The following TBCD variants were observed in gnomAD, a reference collection of about 807,000 sequenced individuals.
TBCD encodes tubulin-specific chaperone D.
TBCD carries 105 observed loss-of-function variants against 169.3 expected under a neutral mutation model. The observed-to-expected ratio is 0.62, with a 90% confidence interval of 0.53 to 0.73. The LOEUF (loss-of-function observed/expected upper bound fraction) is 0.73. TBCD is among the 30% of genes least tolerant of loss of function. The pLI is 0.00. For synonymous variants in TBCD, 700 were observed against 643.9 expected (o/e 1.09, Z -1.32); for missense variants, 1,444 against 1,600.1 (o/e 0.90, Z 1.66).
At chr17:82,887,177 G>GCGCA (rs1306036515) in intron 15 of TBCD, among the ~76,000 whole-genome samples, 2 of 69,948 alleles carry the variant, frequency 2.9e-5, no homozygotes, top group African/African-American at 9.4e-5. Flanking sequence ...GTGCGCGCGC[G>GCGCA]CGCACGTGCG....
At chr17:82,850,575 CTGCTGTTGGCTGTCCTGTTGTTGGCTGTG>C (rs1252140388) in intron 13 of TBCD, among the ~76,000 whole-genome samples, 12 of 148,214 alleles carry the variant, frequency 8.1e-5, no homozygotes, top group African/African-American at 3.0e-4. Flanking sequence ...GTTGGCTGTG[CTGCTGTTGGCTGTCCTGTTGTTGGCTGTG>C]CTGTTGTTGG....
Position 82,903,338 on chromosome 17 carries a change from T to A in TBCD, c.1731-67T>A, listed in dbSNP as rs765092906. On this transcript the variant is annotated intron_variant, in intron 18 of 38. Coordinates refer to ENST00000355528, the MANE Select transcript of TBCD (RefSeq NM_005993.5). This position sits in a 1 kb window ranked among gnomAD's most constrained non-coding sequence, Gnocchi z 4.8. ...CGTGTGTTGTCTCCCTCACTTTCTT[T>A]TTATGAATTGAATAAAGCTAGAATC... The A allele has an allele frequency of 2.5e-5, 36 of 1,464,044 alleles. No individual in the cohort carries two copies. The highest frequency in any genetic ancestry group is 3.1e-5 in the Non-Finnish European group (33 of 1,067,700). The allele number at this position is 1,464,044 out of a possible 1,614,324, so 90.7% of individuals were successfully genotyped here.
In TBCD at chr17:82,831,760, G is replaced by A. The variant is rs756165542; in HGVS notation, c.1318+16826G>A. ...TGGGATTGTGGGGTGCATGTAAGGG[G>A]AAATGGCCCCAAGCCCCTTTGTAGA... On this transcript the variant is annotated intron_variant, in intron 13 of 38. Coordinates refer to ENST00000355528, the MANE Select transcript of TBCD (RefSeq NM_005993.5). The surrounding 1 kb of genome is among the most constrained non-coding windows in gnomAD (Gnocchi z 4.6). The A allele has an allele frequency of 6.2e-7, 1 of 1,614,184 alleles. No homozygotes were observed. The highest frequency in any genetic ancestry group is 8.5e-7 in the Non-Finnish European group (1 of 1,180,038).
intron 6 of TBCD, among the ~76,000 whole-genome samples, chr17:82,779,681 C>T (rs1434154063): frequency 6.6e-5 from 10 of 152,156 alleles, no homozygotes; most frequent in East Asian, 1.9e-4. Flanking sequence ...AGCATGGAGC[C>T]GGCTCTCGCG....
rs2061766785 is a variant in TBCD, at chr17:82,926,416, G to C, written c.2396G>C (p.Arg799Thr). 1 of 1,613,982 alleles carries C rather than the reference G, an allele frequency of 6.2e-7. No homozygotes were observed. Among genetic ancestry groups the C allele is most frequent in the African/African-American group, 1.3e-5 (1 of 75,048 alleles). ...GCTTTCCAGGTTCTCACAGGTTTAA[G>C]AGCAGTTACCCACACTTCCCCCGAG... is the stretch of plus-strand genomic sequence containing the variant. ...GRLQQVLTGL[R>T]AVTHTSPEDV... The change falls in exon 28 of 39, where the codon AGA becomes ACA. Residue 799 changes from arginine to threonine, a missense_variant. Coordinates refer to ENST00000355528, the MANE Select transcript of TBCD (RefSeq NM_005993.5).
At chr17:82,791,682 T>G (rs2049740266) in intron 7 of TBCD, among the ~76,000 whole-genome samples, 1 of 152,224 alleles carries the variant, frequency 6.6e-6, no homozygotes, top group Non-Finnish European at 1.5e-5. Context: ...GCTGGCTGTT[T>G]ATGGCTGTGA....
In TBCD at chr17:82,942,734, T is replaced by A. The variant is rs976947919; in HGVS notation, c.*271T>A. 4 of 550,656 alleles carry A rather than the reference T, an allele frequency of 7.3e-6. No individual in the cohort carries two copies. The highest frequency in any genetic ancestry group is 6.5e-6 in the Non-Finnish European group (2 of 310,072). The allele number at this position is 550,656 out of a possible 1,614,324, so 34.1% of individuals were successfully genotyped here. ...CTGCCTTTTGTCTCTGAGCCTGATG[T>A]GTGTAGGGGTGATGGAAAGGCTCAC... On this transcript the variant is annotated 3_prime_UTR_variant, in exon 39 of 39. Transcript: ENST00000355528.
chr17:82,832,110 C>T lies in TBCD; in HGVS notation c.1318+17176C>T, dbSNP rs1354536533. The T allele has an allele frequency of 1.7e-5, 28 of 1,614,080 alleles. No homozygotes were observed. Among genetic ancestry groups the T allele is most frequent in the Non-Finnish European group, 2.2e-5 (26 of 1,180,044 alleles). The stretch of plus-strand genomic sequence containing the variant: ...TGTGGGTTCCCCGGGCTTGCAGCTC[C>T]AGGTTTTCCTTGATGTCTTCCCTGG... On this transcript the variant is annotated intron_variant, in intron 13 of 38. Coordinates refer to ENST00000355528, the MANE Select transcript of TBCD (RefSeq NM_005993.5). This position sits in a 1 kb window ranked among gnomAD's most constrained non-coding sequence, Gnocchi z 4.9.
Position 82,903,679 on chromosome 17 carries a change from G to A in TBCD, c.1804+201G>A, listed in dbSNP as rs1267010437. Among the ~76,000 whole-genome samples the A allele has an allele frequency of 6.6e-6, 1 of 152,244 alleles. No individual in the cohort carries two copies. The highest frequency in any genetic ancestry group is 1.5e-5 in the Non-Finnish European group (1 of 68,038). On this transcript the variant is annotated intron_variant, in intron 19 of 38. Transcript: ENST00000355528. This position sits in a 1 kb window ranked among gnomAD's most constrained non-coding sequence, Gnocchi z 4.8. ...TGAGTGTGTCCGCCTGCAGGGCAGG[G>A]AGCCGCTGAACTGTGTTACGTACAC...
intron 13 of TBCD, among the ~76,000 whole-genome samples, chr17:82,842,518 C>G (rs1202562728): frequency 6.6e-6 from 1 of 152,158 alleles, no homozygotes; most frequent in African/African-American, 2.4e-5. Context: ...GGGGTTTTGC[C>G]TGCCTCTCTC....
chr17:82,779,994 TC>T (rs577617806), intron 6 of TBCD, among the ~76,000 whole-genome samples: 2 of 151,788 alleles, frequency 1.3e-5, no homozygotes, highest in Non-Finnish European at 2.9e-5. Flanking sequence ...GCCGTCTCCT[TC>T]CCCCCACCCC....
intron 8 of TBCD, among the ~76,000 whole-genome samples, chr17:82,799,660 T>G (rs895988951): frequency 1.3e-5 from 2 of 152,196 alleles, no homozygotes; most frequent in African/African-American, 4.8e-5. Flanking sequence ...CTCACCTGTG[T>G]GTACTTCCAT....
At chr17:82,754,565 G>T (rs2047304044) in intron 1 of TBCD, among the ~76,000 whole-genome samples, 1 of 152,210 alleles carries the variant, frequency 6.6e-6, no homozygotes, top group African/African-American at 2.4e-5. Context: ...CTAGCCTGGT[G>T]GCCTCTCATT....
chr17:82,784,380 G>C (rs886792009), intron 7 of TBCD, among the ~76,000 whole-genome samples: 2 of 152,104 alleles, frequency 1.3e-5, no homozygotes, highest in African/African-American at 4.8e-5. Flanking sequence ...CCGTGCTGGG[G>C]CAGCATCCTC....
At chr17:82,856,443 CAAAGAAAA>C (rs1207424441) in intron 13 of TBCD, among the ~76,000 whole-genome samples, 3 of 151,514 alleles carry the variant, frequency 2.0e-5, no homozygotes, top group Non-Finnish European at 2.9e-5. Context: ...CCTGTCTCTA[CAAAGAAAA>C]AAAGAAAAAA....
At chr17:82,942,145 G>T in intron 38 of TBCD, 1 of 528,430 alleles carries the variant, frequency 1.9e-6, no homozygotes, top group South Asian at 2.5e-5. Flanking sequence ...AGCAGACTTT[G>T]GAATTAAATG....
intron 7 of TBCD, among the ~76,000 whole-genome samples, chr17:82,783,536 C>T (rs571400814): frequency 1.3e-5 from 2 of 152,292 alleles, no homozygotes; most frequent in South Asian, 2.1e-4. Context: ...CCCCTGCAGC[C>T]GTGGATCCAT....
Position 82,943,761 on chromosome 17 carries a change from C to A in TBCD, c.*1298C>A, listed in dbSNP as rs780594635. Reference sequence around the variant, plus strand: ...TGTGTTTGACCTGGTGGCCAATGGTCTTTATACCCTAAAAGAGCCTTGGGT... The same window carrying A: ...TGTGTTTGACCTGGTGGCCAATGGTATTTATACCCTAAAAGAGCCTTGGGT... On this transcript the variant is annotated 3_prime_UTR_variant, in exon 39 of 39. Transcript: ENST00000355528. 5.9e-5 allele frequency: 9 copies of A among 152,186 alleles called. No homozygotes were observed. The highest frequency in any genetic ancestry group is 1.0e-4 in the Non-Finnish European group (7 of 68,036). 9.4% of individuals were successfully genotyped at this position (152,186 alleles called of 1,614,324 possible).
At chr17:82,800,581 C>T (rs1209300055) in intron 8 of TBCD, among the ~76,000 whole-genome samples, 1 of 152,156 alleles carries the variant, frequency 6.6e-6, no homozygotes, top group Admixed American at 6.5e-5. Context: ...TGCAGTGTGC[C>T]TGTGGTCGGT....
Sources: allele counts gnomAD v4.1 joint callset (sites outside exome capture counted in the v4.1 genomes callset), GRCh38; gene constraint gnomAD v4.1.1; non-coding constraint Gnocchi (gnomAD v3.1); transcripts MANE v1.5; gene names NCBI Gene and HGNC (gene_info 2026-07-23, HGNC 2026-07-21).